PARD3B: variants seen among roughly 807,000 people sequenced by gnomAD.
The protein encoded by PARD3B is partitioning defective 3 homolog B.
A neutral mutation model predicts 130.2 loss-of-function variants in PARD3B; 103 were observed. The observed-to-expected ratio is 0.79, with a 90% CI of 0.67 to 0.93. The LOEUF (loss-of-function observed/expected upper bound fraction) is 0.93. PARD3B is among the 40% of genes least tolerant of loss of function. The pLI is 0.00. For missense variants in PARD3B, 1,609 were observed against 1,499.2 expected, an observed-to-expected ratio of 1.07 and a Z score of -1.21; for synonymous variants, 583 against 553.2, an observed-to-expected ratio of 1.05 and a Z score of -0.76.
intron 2 of PARD3B, among the ~76,000 whole-genome samples, chr2:204,845,042 G>A (rs1159537518): frequency 6.6e-6 from 1 of 152,102 alleles, no homozygotes; most frequent in Non-Finnish European, 1.5e-5. Flanking sequence ...CTTAAAAGAG[G>A]AAAATGTATC....
chr2:204,725,539 A>G (rs1453941241), intron 2 of PARD3B, among the ~76,000 whole-genome samples: 2 of 152,222 alleles, frequency 1.3e-5, no homozygotes, highest in Admixed American at 6.5e-5. Context: ...TAATCAAGTC[A>G]GAAGAGCTTC....
intron 2 of PARD3B, among the ~76,000 whole-genome samples, chr2:204,921,232 A>G (rs1365914916): frequency 2.0e-5 from 3 of 152,226 alleles, no homozygotes; most frequent in Non-Finnish European, 2.9e-5. Context: ...TGAAGAAATA[A>G]GAATTATTTT....
intron 20 of PARD3B, among the ~76,000 whole-genome samples, chr2:205,449,687 G>A (rs997201590): frequency 9.2e-5 from 14 of 152,190 alleles, no homozygotes; most frequent in African/African-American, 3.1e-4. Flanking sequence ...ATATATGGCA[G>A]CTGTAAAATT....
Position 205,350,771 on chromosome 2 carries a change from A to G in PARD3B, c.2630+49070A>G, listed in dbSNP as rs547163365. On this transcript the variant is annotated intron_variant, in intron 18 of 22. Coordinates refer to ENST00000406610, the MANE Select transcript of PARD3B (RefSeq NM_001302769.2). Reference sequence around the variant, plus strand: ...GTTGTCCCCCAAAATACTTGTTTATATCTTCCGATGCTATTTTTAATATTT... The same window carrying G: ...GTTGTCCCCCAAAATACTTGTTTATGTCTTCCGATGCTATTTTTAATATTT... Among the ~76,000 whole-genome samples, 91 of 152,322 alleles carry G rather than the reference A, an allele frequency of 6.0e-4. 1 individual carries two copies. The highest frequency in any genetic ancestry group is 3.4e-3 in the Middle Eastern group (1 of 294).
Position 205,142,109 on chromosome 2 carries a change from A to G in PARD3B, c.1434+16372A>G, listed in dbSNP as rs892763931. Among the ~76,000 whole-genome samples, 8 of 152,180 alleles carry G rather than the reference A, an allele frequency of 5.3e-5. No individual in the cohort carries two copies. The highest frequency in any genetic ancestry group is 1.9e-4 in the African/African-American group (8 of 41,438). On this transcript the variant is annotated intron_variant, in intron 10 of 22. Transcript: ENST00000406610. The surrounding 1 kb of genome is among the most constrained non-coding windows in gnomAD (Gnocchi z 4.3). Reference sequence around the variant, plus strand: ...ACCATGATATAACGTGATTAGTGCTATGCTTTTATTATGTATAGAGTGTTT... The same window carrying G: ...ACCATGATATAACGTGATTAGTGCTGTGCTTTTATTATGTATAGAGTGTTT...
intron 4 of PARD3B, among the ~76,000 whole-genome samples, chr2:205,081,250 CATTT>C (rs1701386878): frequency 6.6e-6 from 1 of 151,860 alleles, no homozygotes; most frequent in African/African-American, 2.4e-5. Context: ...TTATTTTTGT[CATTT>C]ATTTTAAAAT....
At chr2:205,181,330 T>A (rs1051327210) in intron 13 of PARD3B, among the ~76,000 whole-genome samples, 4 of 152,224 alleles carry the variant, frequency 2.6e-5, no homozygotes, top group Non-Finnish European at 5.9e-5. Flanking sequence ...CTATCCAAGA[T>A]TGAATTATAC....
intron 3 of PARD3B, among the ~76,000 whole-genome samples, chr2:204,978,991 G>A (rs1433964073): frequency 1.4e-5 from 2 of 147,442 alleles, no homozygotes; most frequent in Non-Finnish European, 3.0e-5. Context: ...AAAAAAGACA[G>A]TTTTAATGTA....
At chr2:205,453,464 T>G (rs2048172252) in intron 20 of PARD3B, among the ~76,000 whole-genome samples, 1 of 152,130 alleles carries the variant, frequency 6.6e-6, no homozygotes, top group African/African-American at 2.4e-5. Flanking sequence ...ACGCTTAAAG[T>G]AGGGTTGGCA....
At chr2:204,821,087 A>G (rs530058861) in intron 2 of PARD3B, among the ~76,000 whole-genome samples, 1 of 152,266 alleles carries the variant, frequency 6.6e-6, no homozygotes, top group South Asian at 2.1e-4. Context: ...GGAGATATAC[A>G]TTAGGAGAGT....
chr2:205,193,945 C>T (rs180894807), intron 15 of PARD3B, among the ~76,000 whole-genome samples: 10 of 152,276 alleles, frequency 6.6e-5, no homozygotes, highest in African/African-American at 2.2e-4. Context: ...TGGGGAACTT[C>T]GTGGTGACTG....
At chr2:205,409,267 G>A (rs991107563) in intron 19 of PARD3B, among the ~76,000 whole-genome samples, 5 of 152,044 alleles carry the variant, frequency 3.3e-5, no homozygotes, top group Non-Finnish European at 5.9e-5. Context: ...CCTAGAATGA[G>A]AATTAAAAAT....
intron 18 of PARD3B, among the ~76,000 whole-genome samples, chr2:205,319,079 A>T (rs1022682470): frequency 6.6e-6 from 1 of 152,054 alleles, no homozygotes; most frequent in Non-Finnish European, 1.5e-5. Context: ...GTCCTCTGTG[A>T]ACTAAACACA....
At chr2:205,399,312 T>G (rs931104122) in intron 18 of PARD3B, among the ~76,000 whole-genome samples, 9 of 151,914 alleles carry the variant, frequency 5.9e-5, no homozygotes, top group Non-Finnish European at 1.2e-4. Flanking sequence ...CCCCAAGTTT[T>G]TTTTGTTTTG....
In PARD3B at chr2:205,550,978, C is replaced by T. The variant is rs201714258; in HGVS notation, c.3181-2346C>T. 0.72 allele frequency among the ~76,000 whole-genome samples: 63,956 copies of T among 89,006 alleles called. 20,666 individuals carry two copies. Among genetic ancestry groups the T allele is most frequent in the East Asian group, 0.85 (2,955 of 3,476 alleles). The allele number at this position is 89,006 out of a possible 152,430, so 58.4% of individuals were successfully genotyped here. A position where few individuals can be genotyped will look rare whatever the true frequency, so the allele number is the denominator to read the frequency against. ...GTGTATATATATATATATATATATA[C>T]ACACACACACACACACACACACACA... is the stretch of plus-strand genomic sequence containing the variant. On this transcript the variant is annotated intron_variant, in intron 21 of 22. Transcript: ENST00000406610. The surrounding 1 kb of genome is among the most constrained non-coding windows in gnomAD (Gnocchi z 4.5).
chr2:205,031,595 T>G (rs1304823096), intron 3 of PARD3B, among the ~76,000 whole-genome samples: 1 of 152,162 alleles, frequency 6.6e-6, no homozygotes, highest in Non-Finnish European at 1.5e-5. Flanking sequence ...TTTATCATAT[T>G]TCCCCTCATC....
At chr2:205,306,125 G>A (rs1236725419) in intron 18 of PARD3B, among the ~76,000 whole-genome samples, 3 of 152,144 alleles carry the variant, frequency 2.0e-5, no homozygotes, top group African/African-American at 7.2e-5. Context: ...CAAGATGGAG[G>A]GAGGGGACCA....
intron 1 of PARD3B, among the ~76,000 whole-genome samples, chr2:204,636,143 A>G (rs2034867220): frequency 1.3e-5 from 2 of 152,148 alleles, no homozygotes; most frequent in Non-Finnish European, 2.9e-5. Flanking sequence ...AGGAGAATCA[A>G]AGTAGGGGTG....
chr2:204,870,456 T>G (rs999790740), intron 2 of PARD3B, among the ~76,000 whole-genome samples: 3 of 152,150 alleles, frequency 2.0e-5, no homozygotes, highest in South Asian at 2.1e-4. Context: ...GCTCTATCCT[T>G]CTGCTAGGGA....
Sources: allele counts gnomAD v4.1 joint callset (sites outside exome capture counted in the v4.1 genomes callset), GRCh38; gene constraint gnomAD v4.1.1; non-coding constraint Gnocchi (gnomAD v3.1); transcripts MANE v1.5; gene names NCBI Gene and HGNC (gene_info 2026-07-23, HGNC 2026-07-21).